The following STK39 variants were observed in gnomAD, a reference collection of about 807,000 sequenced individuals.
STK39 encodes serine/threonine kinase 39.
In STK39, 20 loss-of-function variants were observed where a neutral mutation model predicts 77.8. The observed-to-expected ratio is 0.26, with a 90% CI of 0.18 to 0.37. STK39 has a LOEUF of 0.37. Ranked by LOEUF, STK39 falls within the 10% of genes least tolerant of loss-of-function variation. The pLI is 1.00. For missense variants in STK39, 479 were observed against 656.5 expected (o/e 0.73, Z 2.95); for synonymous variants, 246 against 234.1 (o/e 1.05, Z -0.47).
intron 14 of STK39, among the ~76,000 whole-genome samples, chr2:168,022,327 A>C (rs1684590999): frequency 6.6e-6 from 1 of 152,204 alleles, no homozygotes; most frequent in Non-Finnish European, 1.5e-5. Flanking sequence ...CACATTATGA[A>C]ATTCCCCTTC....
chr2:168,101,801 C>T (rs1027946133), intron 10 of STK39, among the ~76,000 whole-genome samples: 8 of 152,006 alleles, frequency 5.3e-5, no homozygotes, highest in African/African-American at 1.7e-4. Context: ...GATAATCCAC[C>T]GTAAAACTCA....
At chr2:168,194,887 T>A (rs1574545170) in intron 1 of STK39, among the ~76,000 whole-genome samples, 1 of 152,338 alleles carries the variant, frequency 6.6e-6, no homozygotes, top group African/African-American at 2.4e-5. Flanking sequence ...GATTTTTTTT[T>A]AATTGAAACT....
intron 1 of STK39, among the ~76,000 whole-genome samples, chr2:168,219,399 A>G (rs370552411): frequency 1.6e-4 from 25 of 152,246 alleles, no homozygotes; most frequent in East Asian, 7.7e-4. Flanking sequence ...GTCAGGCACT[A>G]TGGGGACTTC....
rs16854719 is a variant in STK39, at chr2:168,105,821, A to T, written c.1089+23720T>A. ...ATTGGCTGTGCCCTACTGAAGGGCT[A>T]TATTTATTCCAGAACTTCACTTTAG... On this transcript the variant is annotated intron_variant, in intron 10 of 17. Transcript: ENST00000355999. Among the ~76,000 whole-genome samples the T allele has an allele frequency of 4.2e-4, 64 of 152,328 alleles. No individual in the cohort carries two copies. In the East Asian group the frequency reaches 9.2e-3, roughly 22 times the overall value.
intron 10 of STK39, among the ~76,000 whole-genome samples, chr2:168,087,156 C>T (rs560129668): frequency 5.1e-4 from 78 of 152,176 alleles, no homozygotes; most frequent in Non-Finnish European, 1.0e-3. Flanking sequence ...AAATGTTTGG[C>T]TCCAGAGCAG....
At chr2:168,023,891 G>A (rs761446111) in intron 14 of STK39, among the ~76,000 whole-genome samples, 11 of 152,056 alleles carry the variant, frequency 7.2e-5, no homozygotes, top group South Asian at 2.1e-4. Context: ...GCAGCTGCTC[G>A]CTCCTAAGCA....
At chr2:168,198,523 A>G (rs1365317583) in intron 1 of STK39, among the ~76,000 whole-genome samples, 2 of 152,200 alleles carry the variant, frequency 1.3e-5, no homozygotes, top group East Asian at 1.9e-4. Flanking sequence ...TCACCTGTCA[A>G]TGACTTCCCA....
At chr2:168,203,167 G>C (rs1337742854) in intron 1 of STK39, among the ~76,000 whole-genome samples, 3 of 152,098 alleles carry the variant, frequency 2.0e-5, no homozygotes, top group Non-Finnish European at 4.4e-5. Context: ...ACTGGAAACT[G>C]TTTCAGAGGC....
intron 14 of STK39, among the ~76,000 whole-genome samples, chr2:168,029,748 T>C (rs1233813331): frequency 6.6e-6 from 1 of 152,168 alleles, no homozygotes. Flanking sequence ...ATGTACTGAT[T>C]AGACATAGAT....
intron 16 of STK39, among the ~76,000 whole-genome samples, chr2:167,989,443 G>C (rs550417984): frequency 5.9e-5 from 9 of 152,182 alleles, no homozygotes; most frequent in Non-Finnish European, 8.8e-5. Context: ...CCTGGTTCAG[G>C]AATTTCATTT....
intron 10 of STK39, among the ~76,000 whole-genome samples, chr2:168,081,591 T>C (rs1686232606): frequency 6.6e-6 from 1 of 152,124 alleles, no homozygotes; most frequent in Non-Finnish European, 1.5e-5. Flanking sequence ...TGAAATGAGT[T>C]CTGACTCATT....
intron 1 of STK39, among the ~76,000 whole-genome samples, chr2:168,246,611 G>A (rs1014714982): frequency 5.3e-5 from 8 of 152,338 alleles, no homozygotes; most frequent in East Asian, 1.9e-4. Context: ...GAGTGGCGCG[G>A]AGAGCCGGGC....
chr2:168,097,009 A>T (rs1164064041), intron 10 of STK39, among the ~76,000 whole-genome samples: 1 of 152,218 alleles, frequency 6.6e-6, no homozygotes, highest in Non-Finnish European at 1.5e-5. Flanking sequence ...TTCTTAACAC[A>T]TACTACTATG....
chr2:168,231,475 TC>T (rs1307522060), intron 1 of STK39, among the ~76,000 whole-genome samples: 1 of 152,014 alleles, frequency 6.6e-6, no homozygotes, highest in Non-Finnish European at 1.5e-5. Context: ...CATTTCTTAT[TC>T]TGATAGCTTC....
intron 7 of STK39, 104 bp from the exon 8 acceptor site, chr2:168,138,325 C>T: frequency 7.1e-7 from 1 of 1,411,464 alleles, no homozygotes; most frequent in South Asian, 1.5e-5. Flanking sequence ...TGATTAGATA[C>T]AAAGTGCTTT....
intron 16 of STK39, among the ~76,000 whole-genome samples, chr2:167,983,984 C>G (rs1425613636): frequency 6.6e-6 from 1 of 152,128 alleles, no homozygotes; most frequent in South Asian, 2.1e-4. Context: ...TGTGGCCCCT[C>G]TGTGCTGGGG....
chr2:168,104,575 A>G (rs1364487662), intron 10 of STK39, among the ~76,000 whole-genome samples: 1 of 152,220 alleles, frequency 6.6e-6, no homozygotes, highest in East Asian at 1.9e-4. Flanking sequence ...TAGAAGGTAT[A>G]GAATGGAATG....
At chr2:168,019,720 G>A (rs1684523901) in intron 14 of STK39, among the ~76,000 whole-genome samples, 1 of 151,998 alleles carries the variant, frequency 6.6e-6, no homozygotes, top group African/African-American at 2.4e-5. Flanking sequence ...TTTTTGAGAT[G>A]GAGTCTTGCT....
intron 14 of STK39, among the ~76,000 whole-genome samples, chr2:168,020,504 G>C (rs1003491517): frequency 6.6e-6 from 1 of 151,824 alleles, no homozygotes; most frequent in Non-Finnish European, 1.5e-5. Flanking sequence ...GACCTCATGG[G>C]CTCCCTGAAA....
Sources: allele counts gnomAD v4.1 joint callset (sites outside exome capture counted in the v4.1 genomes callset), GRCh38; gene constraint gnomAD v4.1.1; transcripts MANE v1.5; gene names NCBI Gene and HGNC (gene_info 2026-07-23, HGNC 2026-07-21).